Variants in CDH18 observed in about 807,000 individuals in gnomAD.
The protein encoded by CDH18 is cadherin-18.
CDH18 carries 31 observed loss-of-function variants against 67.9 expected under a neutral mutation model. The observed-to-expected ratio is 0.46, with a 90% CI of 0.34 to 0.62. The LOEUF (loss-of-function observed/expected upper bound fraction) is 0.62, where lower values mean the gene tolerates loss of function less well. Among genes scored for constraint, CDH18 ranks in the 20% least tolerant of loss-of-function variants. CDH18 has a pLI of 0.01. For synonymous variants in CDH18, 362 were observed against 347.2 expected (o/e 1.04, Z -0.48); for missense variants, 890 against 975.5 (o/e 0.91, Z 1.17).
At chr5:20,395,225 T>C (rs1457126904) in intron 1 of CDH18, among the ~76,000 whole-genome samples, 1 of 152,066 alleles carries the variant, frequency 6.6e-6, no homozygotes, top group Non-Finnish European at 1.5e-5. Flanking sequence ...ATAAAGAAAA[T>C]ATGGCACATA....
At chr5:20,534,504 G>A (rs957931552) in intron 1 of CDH18, among the ~76,000 whole-genome samples, 3 of 151,864 alleles carry the variant, frequency 2.0e-5, no homozygotes, top group African/African-American at 7.2e-5. Flanking sequence ...CTTCATGAAG[G>A]CAATCAACTG....
intron 2 of CDH18, among the ~76,000 whole-genome samples, chr5:20,170,302 G>T (rs866545503): frequency 1.3e-5 from 2 of 151,678 alleles, no homozygotes; most frequent in Non-Finnish European, 2.9e-5. Flanking sequence ...CCTGTGTTAC[G>T]TTCCTGAGTA....
chr5:20,127,573 C>T (rs973017333), intron 2 of CDH18, among the ~76,000 whole-genome samples: 2 of 152,068 alleles, frequency 1.3e-5, no homozygotes, highest in African/African-American at 2.4e-5. Flanking sequence ...AGACATTATA[C>T]TAAGTGAAAT....
At chr5:19,538,745 T>C (rs914460083) in intron 9 of CDH18, among the ~76,000 whole-genome samples, 6 of 151,990 alleles carry the variant, frequency 3.9e-5, no homozygotes, top group Non-Finnish European at 7.4e-5. Context: ...AGGAGCACTG[T>C]TTTTCCCTTG....
At chr5:20,077,885 C>T (rs1744086879) in intron 2 of CDH18, among the ~76,000 whole-genome samples, 1 of 152,076 alleles carries the variant, frequency 6.6e-6, no homozygotes. Context: ...CTTAGGATTG[C>T]ATAATCCTGA....
chr5:20,358,174 G>A (rs564007998), intron 1 of CDH18, among the ~76,000 whole-genome samples: 5 of 152,212 alleles, frequency 3.3e-5, no homozygotes, highest in South Asian at 2.1e-4. Context: ...AGGGAGGGGC[G>A]CGAAGGCTGA....
At chr5:19,648,467 G>A (rs1353138035) in intron 5 of CDH18, among the ~76,000 whole-genome samples, 1 of 152,042 alleles carries the variant, frequency 6.6e-6, no homozygotes, top group Non-Finnish European at 1.5e-5. Context: ...CAGATTAGAT[G>A]ATCTAGAATG....
At chr5:20,563,154 CA>C (rs11302094) in intron 1 of CDH18, among the ~76,000 whole-genome samples, 2,640 of 151,896 alleles carry the variant, frequency 0.017, 81 homozygotes, top group African/African-American at 0.06. Flanking sequence ...AATGTCTCTG[CA>C]ACAAATAATA....
intron 4 of CDH18, among the ~76,000 whole-genome samples, chr5:19,743,921 CAAAAAAAAAAAAAAAA>C (rs140476096): frequency 3.0e-5 from 2 of 65,900 alleles, no homozygotes; most frequent in Admixed American, 2.1e-4. Context: ...ACTCTTGTCT[CAAAAAAAAAAAAAAAA>C]AAAAAAAAAA....
intron 10 of CDH18, among the ~76,000 whole-genome samples, chr5:19,513,711 T>C (rs976267851): frequency 2.6e-5 from 4 of 152,164 alleles, no homozygotes; most frequent in African/African-American, 7.2e-5. Flanking sequence ...TTCCTGTTAG[T>C]TATGGCTGAA....
rs1324208673 is a variant in CDH18, at chr5:19,838,840, A to G, written c.147T>C (p.His49=). The change falls in exon 3 of 13, where the codon CAT becomes CAC. Residue 49 remains histidine, a synonymous_variant. Coordinates refer to ENST00000382275, the MANE Select transcript of CDH18 (RefSeq NM_004934.5). ...KHIEGETEVH[H]RPKRGWVWNQ... Reference sequence around the variant, plus strand: ...TCCATACCCATCCCCTTTTGGGACGATGATGGACTTCGGTTTCACCTTCAA... The same window carrying G: ...TCCATACCCATCCCCTTTTGGGACGGTGATGGACTTCGGTTTCACCTTCAA... 3 of 1,614,022 alleles carry G rather than the reference A, an allele frequency of 1.9e-6. No individual in the cohort carries two copies. The highest frequency in any genetic ancestry group is 1.3e-5 in the African/African-American group (1 of 75,056).
rs75591742 is a variant in CDH18, at chr5:19,923,792, C to T, written c.-257+57268G>A. ...ATCTGCAGCCAAACTTAAAGGATTT[C>T]GTATTATATCAAAATATACTCTTCT... On this transcript the variant is annotated intron_variant, in intron 2 of 12. Coordinates refer to ENST00000382275, the MANE Select transcript of CDH18 (RefSeq NM_004934.5). Among the ~76,000 whole-genome samples the T allele has an allele frequency of 9.6e-3, 1,460 of 152,266 alleles. 12 individuals carry two copies. Among genetic ancestry groups the T allele is most frequent in the South Asian group, 0.018 (89 of 4,832 alleles).
intron 1 of CDH18, among the ~76,000 whole-genome samples, chr5:20,449,195 T>C (rs1356645372): frequency 1.3e-5 from 2 of 152,098 alleles, no homozygotes; most frequent in African/African-American, 4.8e-5. Flanking sequence ...TTATACTTCT[T>C]CCCATAATAA....
intron 2 of CDH18, among the ~76,000 whole-genome samples, chr5:20,160,575 A>T (rs1007540349): frequency 6.6e-6 from 1 of 152,216 alleles, no homozygotes; most frequent in Non-Finnish European, 1.5e-5. Flanking sequence ...AATACTCTTC[A>T]CTTGAAAAAT....
chr5:19,760,914 A>T (rs1772245839), intron 3 of CDH18, among the ~76,000 whole-genome samples: 2 of 152,200 alleles, frequency 1.3e-5, no homozygotes, highest in Admixed American at 6.5e-5. Context: ...GGCTGACAGC[A>T]GCATGGGTTG....
chr5:20,010,911 T>C (rs1345698736), intron 2 of CDH18, among the ~76,000 whole-genome samples: 1 of 152,192 alleles, frequency 6.6e-6, no homozygotes, highest in African/African-American at 2.4e-5. Context: ...TACATCCAAC[T>C]GACTACTTAA....
At chr5:20,146,110 T>C (rs1466106809) in intron 2 of CDH18, among the ~76,000 whole-genome samples, 1 of 152,110 alleles carries the variant, frequency 6.6e-6, no homozygotes, top group African/African-American at 2.4e-5. Flanking sequence ...AATGGGCCTC[T>C]CTCAGATCTT....
intron 1 of CDH18, among the ~76,000 whole-genome samples, chr5:20,307,426 A>G (rs1008291518): frequency 9.2e-5 from 14 of 152,224 alleles, no homozygotes; most frequent in African/African-American, 3.4e-4. Flanking sequence ...AACAAGAGAC[A>G]TATAACATTT....
At chr5:20,192,228 A>C (rs1190414764) in intron 2 of CDH18, among the ~76,000 whole-genome samples, 1 of 151,052 alleles carries the variant, frequency 6.6e-6, no homozygotes, top group Non-Finnish European at 1.5e-5. Context: ...AATATGTTTA[A>C]GTTTTTGTAA....
Sources: allele counts gnomAD v4.1 joint callset (sites outside exome capture counted in the v4.1 genomes callset), GRCh38; gene constraint gnomAD v4.1.1; transcripts MANE v1.5; gene names NCBI Gene and HGNC (gene_info 2026-07-23, HGNC 2026-07-21).